The following DCHS2 variants were observed in gnomAD, a reference collection of about 807,000 sequenced individuals.
DCHS2 encodes protocadherin-23.
A neutral mutation model predicts 182.4 loss-of-function variants in DCHS2; 142 were observed. The ratio of observed to expected loss-of-function variants is 0.78; its 90% CI spans 0.68 to 0.89. DCHS2 has a LOEUF of 0.89. DCHS2 is among the 40% of genes least tolerant of loss of function. DCHS2 has a pLI of 0.00. For synonymous variants in DCHS2, 1,740 were observed against 1,663.3 expected, an observed-to-expected ratio of 1.05 and a Z score of -1.12; for missense variants, 4,319 against 4,198.6, an observed-to-expected ratio of 1.03 and a Z score of -0.79.
intron 3 of DCHS2, among the ~76,000 whole-genome samples, chr4:154,358,620 C>G (rs1284202245): frequency 6.6e-6 from 1 of 152,026 alleles, no homozygotes; most frequent in Non-Finnish European, 1.5e-5. Context: ...TGAATGAACA[C>G]TCATCACTTA....
At chr4:154,357,681 A>C (rs1729939418) in intron 3 of DCHS2, among the ~76,000 whole-genome samples, 1 of 152,132 alleles carries the variant, frequency 6.6e-6, no homozygotes, top group African/African-American at 2.4e-5. Flanking sequence ...CTTTACCTAC[A>C]AACTGTCTTG....
At chr4:154,442,051 C>T (rs1734040327) in intron 1 of DCHS2, among the ~76,000 whole-genome samples, 1 of 152,046 alleles carries the variant, frequency 6.6e-6, no homozygotes, top group African/African-American at 2.4e-5. Context: ...CATACTCATC[C>T]CCTACTCCAA....
chr4:154,473,320 C>A (rs535424437), intron 1 of DCHS2, among the ~76,000 whole-genome samples: 85 of 152,328 alleles, frequency 5.6e-4, no homozygotes, highest in Admixed American at 9.1e-4. Flanking sequence ...AGTGATCATT[C>A]CGTTAAACTA....
At chr4:154,353,669 G>C (rs1207459896) in intron 3 of DCHS2, among the ~76,000 whole-genome samples, 1 of 152,110 alleles carries the variant, frequency 6.6e-6, no homozygotes, top group African/African-American at 2.4e-5. Flanking sequence ...CTTTTCCAGT[G>C]GTCCTTCTTC....
At chr4:154,371,204 GA>G (rs911336266) in intron 2 of DCHS2, among the ~76,000 whole-genome samples, 180 of 140,762 alleles carry the variant, frequency 1.3e-3, no homozygotes, top group South Asian at 3.4e-3. Flanking sequence ...GTCATGACAG[GA>G]AAAAAAAAAA....
intron 1 of DCHS2, among the ~76,000 whole-genome samples, chr4:154,400,096 G>T (rs1262718473): frequency 1.3e-5 from 2 of 152,086 alleles, no homozygotes; most frequent in African/African-American, 4.8e-5. Flanking sequence ...GAGGTCAGGA[G>T]ATCGAGACCA....
intron 13 of DCHS2, among the ~76,000 whole-genome samples, chr4:154,290,470 A>G (rs1225127890): frequency 6.6e-6 from 1 of 152,064 alleles, no homozygotes; most frequent in Non-Finnish European, 1.5e-5. Flanking sequence ...TAAAAGACCC[A>G]TCATAGTCAA....
intron 1 of DCHS2, among the ~76,000 whole-genome samples, chr4:154,443,525 T>C (rs1308879621): frequency 6.6e-6 from 1 of 152,074 alleles, no homozygotes; most frequent in Non-Finnish European, 1.5e-5. Flanking sequence ...AACTTCCATA[T>C]TTTCCCACCC....
At position 154,324,749 on chromosome 4, in the gene DCHS2, C is replaced by A. The variant is rs183323761; in HGVS notation, c.4019-2261G>T. 1.2e-4 allele frequency among the ~76,000 whole-genome samples: 18 copies of A among 152,176 alleles called. No homozygotes were observed. In the East Asian group the frequency reaches 3.3e-3, roughly 28 times the overall value. On this transcript the variant is annotated intron_variant, in intron 7 of 19. Transcript: ENST00000357232. ...GGACATAAAAGCAAATAAAAAAGAA[C>A]CCCTGTCTTCAAGAAACTCATAGCA...
intron 1 of DCHS2, among the ~76,000 whole-genome samples, chr4:154,448,076 T>C (rs1298171571): frequency 6.6e-6 from 1 of 152,192 alleles, no homozygotes; most frequent in Non-Finnish European, 1.5e-5. Flanking sequence ...ACTCAGTTCC[T>C]TGCCTTGTCC....
At position 154,232,746 on chromosome 4, in the gene DCHS2, A is replaced by ATAAG. The variant is rs1406196087; in HGVS notation, c.*1786_*1789dup. 4 of 151,700 alleles carry ATAAG rather than the reference A, an allele frequency of 2.6e-5. No homozygotes were observed. Among genetic ancestry groups the ATAAG allele is most frequent in the Admixed American group, 6.6e-5 (1 of 15,216 alleles). 9.4% of individuals were successfully genotyped at this position (151,700 alleles called of 1,614,324 possible). ...AAATATGTGTGGGTTTTTTTTTTACATAAGTCATGAAATCTTCTTCCCCAG... is the reference window on the plus strand; with the variant it reads ...AAATATGTGTGGGTTTTTTTTTTACATAAGTAAGTCATGAAATCTTCTTCCCCAG... On this transcript the variant is annotated 3_prime_UTR_variant, in exon 20 of 20. Transcript: ENST00000357232.
At chr4:154,238,346 A>C (rs1731637596) in intron 19 of DCHS2, among the ~76,000 whole-genome samples, 1 of 152,148 alleles carries the variant, frequency 6.6e-6, no homozygotes, top group Non-Finnish European at 1.5e-5. Context: ...TCCCAAGGTT[A>C]ATTTTTAAAT....
intron 1 of DCHS2, among the ~76,000 whole-genome samples, chr4:154,385,458 C>T (rs1376431431): frequency 1.1e-4 from 16 of 152,052 alleles, no homozygotes. Context: ...ATGGCTGAGT[C>T]AAATGGCTTT....
intron 10 of DCHS2, among the ~76,000 whole-genome samples, chr4:154,305,452 T>C (rs926583911): frequency 1.3e-5 from 2 of 152,208 alleles, no homozygotes; most frequent in African/African-American, 4.8e-5. Context: ...CTTATGAGAC[T>C]TCCCCACAGT....
At position 154,298,206 on chromosome 4, in the gene DCHS2, T is replaced by G; in HGVS notation, c.6108A>C (p.Pro2036=). 3 of 1,614,148 alleles carry G rather than the reference T, an allele frequency of 1.9e-6. No homozygotes were observed. The highest frequency in any genetic ancestry group is 2.5e-6 in the Non-Finnish European group (3 of 1,180,024). The change falls in exon 13 of 20, where the codon CCA becomes CCC. Residue 2036 remains proline (P), a synonymous_variant. Transcript: ENST00000357232. Reference sequence around the variant, plus strand: ...CATCAAAAGGGTTCTGTTCCAAAACTGGATCATTGTCATTAACATCAGTGA... The same window carrying G: ...CATCAAAAGGGTTCTGTTCCAAAACGGGATCATTGTCATTAACATCAGTGA... ...VYVTDVNDND[P]VLEQNPFDVF... is the part of the protein sequence containing the mutation.
intron 12 of DCHS2, among the ~76,000 whole-genome samples, chr4:154,302,970 C>T (rs1158853361): frequency 5.5e-4 from 7 of 12,778 alleles, no homozygotes; most frequent in Non-Finnish European, 8.8e-4. Context: ...CACACACACC[C>T]ACACACACAC....
rs149530537 is a variant in DCHS2 at position 154,236,375 on chromosome 4, G to T, written c.8277C>A (p.Val2759=). 149 of 1,613,956 alleles carry T rather than the reference G, an allele frequency of 9.2e-5. No homozygotes were observed. The highest frequency in any genetic ancestry group is 1.2e-4 in the Non-Finnish European group (144 of 1,179,982). The change falls in exon 20 of 20, where the codon GTC becomes GTA. Residue 2759 remains valine (V), a synonymous_variant. Coordinates refer to ENST00000357232, the MANE Select transcript of DCHS2 (RefSeq NM_001358235.2). ...GAGGTGCATGGTCGTTATCATCCAG[G>T]ACACTGACAAACACAACTGCAAAAG... ...HFSFAVVFVS[V]LDDNDHAPQF...
Position 154,417,194 on chromosome 4 carries a change from T to TGAGAGAGA in DCHS2, c.2053-39751_2053-39750insTCTCTCTC, listed in dbSNP as rs1732877971. The stretch of plus-strand genomic sequence containing the variant: ...GTGTGTGTGTGTGTGTGTGTGTGTG[T>TGAGAGAGA]GTGTGTGTGTGAGAGAGAGAGAGAG... On this transcript the variant is annotated intron_variant, in intron 1 of 19. Coordinates refer to ENST00000357232, the MANE Select transcript of DCHS2 (RefSeq NM_001358235.2). Among the ~76,000 whole-genome samples, 14 of 91,604 alleles carry TGAGAGAGA rather than the reference T, an allele frequency of 1.5e-4. No individual in the cohort carries two copies. The South Asian group carries it at 1.7e-3, about 11-fold the overall frequency. 60.1% of individuals were successfully genotyped at this position (91,604 alleles called of 152,430 possible).
At chr4:154,269,835 A>C (rs1733487472) in intron 14 of DCHS2, 65 bp downstream of exon 14, 1 of 1,560,014 alleles carries the variant, frequency 6.4e-7, no homozygotes, top group Admixed American at 2.2e-5. Context: ...CTACTTTGCA[A>C]ATTTTGCAGA....
Sources: allele counts gnomAD v4.1 joint callset (sites outside exome capture counted in the v4.1 genomes callset), GRCh38; gene constraint gnomAD v4.1.1; transcripts MANE v1.5; gene names NCBI Gene and HGNC (gene_info 2026-07-23, HGNC 2026-07-21).